ALG14: variants seen among roughly 807,000 people sequenced by gnomAD.
ALG14 encodes the protein UDP-N-acetylglucosamine transferase subunit ALG14.
Under a neutral mutation model 22.8 loss-of-function variants are expected in ALG14, and 17 were observed. That is an observed-to-expected ratio of 0.75 (90% confidence interval 0.51 to 1.12). ALG14 has a LOEUF of 1.12. Ranked by LOEUF, ALG14 falls within the 50% of genes most tolerant of loss-of-function variation. The pLI, the probability that ALG14 is intolerant of heterozygous loss-of-function variation, is 0.00. For missense variants in ALG14, 288 were observed against 271.8 expected, an observed-to-expected ratio of 1.06 and a Z score of -0.42; for synonymous variants, 89 against 103.7, an observed-to-expected ratio of 0.86 and a Z score of 0.86.
chr1:94,993,917 C>T (rs527612755), intron 3 of ALG14, among the ~76,000 whole-genome samples: 18 of 152,292 alleles, frequency 1.2e-4, no homozygotes, highest in African/African-American at 4.1e-4. Context: ...CTGCACGTTC[C>T]ATGCATGTTC....
At chr1:95,065,064 C>T (rs764375049) in intron 1 of ALG14, 47 bp from the exon 2 acceptor site, 3 of 1,543,732 alleles carry the variant, frequency 1.9e-6, no homozygotes, top group South Asian at 2.4e-5. Context: ...CCACAATGGA[C>T]ATATCCATTT....
At chr1:95,014,998 A>T (rs1398948107) in intron 3 of ALG14, among the ~76,000 whole-genome samples, 2 of 152,192 alleles carry the variant, frequency 1.3e-5, no homozygotes, top group Non-Finnish European at 2.9e-5. Context: ...ATACAGTTTT[A>T]AACTTGCCAC....
At chr1:94,988,962 T>G (rs1244116105) in intron 3 of ALG14, among the ~76,000 whole-genome samples, 2 of 152,244 alleles carry the variant, frequency 1.3e-5, no homozygotes, top group Non-Finnish European at 2.9e-5. Flanking sequence ...TGTTCATATA[T>G]GCATATTTGC....
chr1:95,008,559 G>GA (rs1023729003), intron 3 of ALG14, among the ~76,000 whole-genome samples: 35 of 152,024 alleles, frequency 2.3e-4, no homozygotes, highest in Admixed American at 1.8e-3. Flanking sequence ...AGGTTTTTCA[G>GA]AAAAAATGTA....
intron 3 of ALG14, among the ~76,000 whole-genome samples, chr1:95,026,502 GTA>G (rs1553228107): frequency 2.8e-3 from 405 of 146,288 alleles, no homozygotes; most frequent in African/African-American, 8.3e-3. Flanking sequence ...GTGTGTGTGT[GTA>G]TGTGTGTGTG....
At position 94,979,310 on chromosome 1, in the gene ALG14, A is replaced by AAAAAAAAAAG. The variant is rs1553222994; in HGVS notation, c.*3765_*3766insCTTTTTTTTT. 13 of 89,856 alleles carry AAAAAAAAAAG rather than the reference A, an allele frequency of 1.4e-4. No individual in the cohort carries two copies. Among genetic ancestry groups the AAAAAAAAAAG allele is most frequent in the African/African-American group, 6.4e-4 (12 of 18,770 alleles). The allele number at this position is 89,856 out of a possible 1,614,324, so 5.6% of individuals were successfully genotyped here. A position where few individuals can be genotyped will look rare whatever the true frequency, so the allele number is the denominator to read the frequency against. On this transcript the variant is annotated 3_prime_UTR_variant, in exon 4 of 4. Transcript: ENST00000370205. Reference sequence around the variant, plus strand: ...GTCTCGAAAAAAAAAAAAAAAAAAAAAAAAGAAAGAAAAAAGTGAAACAAG... The same window carrying AAAAAAAAAAG: ...GTCTCGAAAAAAAAAAAAAAAAAAAAAAAAAAAAAGAAAAGAAAGAAAAAAGTGAAACAAG...
At chr1:95,043,699 A>T (rs1196934992) in intron 2 of ALG14, among the ~76,000 whole-genome samples, 1 of 151,934 alleles carries the variant, frequency 6.6e-6, no homozygotes, top group Non-Finnish European at 1.5e-5. Context: ...AGCTTCAAGG[A>T]CCTTTTAGGG....
At chr1:95,022,371 G>C in intron 3 of ALG14, 4 of 985,368 alleles carry the variant, frequency 4.1e-6, no homozygotes, top group Non-Finnish European at 4.8e-6. Context: ...CATGCAACTG[G>C]GAAAAGCAGT....
intron 2 of ALG14, among the ~76,000 whole-genome samples, chr1:95,040,141 C>T (rs1349107904): frequency 2.6e-5 from 4 of 151,620 alleles, no homozygotes; most frequent in Admixed American, 6.6e-5. Flanking sequence ...CACTGCACTC[C>T]AGCCTGGGTG....
At chr1:95,041,825 T>C (rs146146486) in intron 2 of ALG14, among the ~76,000 whole-genome samples, 1 of 152,198 alleles carries the variant, frequency 6.6e-6, no homozygotes, top group East Asian at 1.9e-4. Context: ...TTAGAAGAGC[T>C]GGTTGATAAA....
chr1:94,998,804 G>A (rs943081220), intron 3 of ALG14, among the ~76,000 whole-genome samples: 3 of 152,136 alleles, frequency 2.0e-5, no homozygotes, highest in South Asian at 4.1e-4. Flanking sequence ...GATTAAATAC[G>A]TATAAGGTAT....
chr1:95,036,058 A>G (rs1365730013), intron 2 of ALG14, among the ~76,000 whole-genome samples: 1 of 152,126 alleles, frequency 6.6e-6, no homozygotes, highest in South Asian at 2.1e-4. Flanking sequence ...TTTTTTTTAT[A>G]TGTCCTTCAA....
chr1:94,984,979 A>G (rs1180480234), intron 3 of ALG14, among the ~76,000 whole-genome samples: 2 of 151,922 alleles, frequency 1.3e-5, no homozygotes, highest in African/African-American at 2.4e-5. Context: ...GTATCATTCC[A>G]ATTTTAGTAT....
At chr1:95,013,373 G>A (rs958691726) in intron 3 of ALG14, among the ~76,000 whole-genome samples, 17 of 151,206 alleles carry the variant, frequency 1.1e-4, no homozygotes, top group African/African-American at 4.1e-4. Flanking sequence ...GTCTTGCTCC[G>A]TCGCCCAGGC....
At chr1:94,990,131 A>G (rs1383397493) in intron 3 of ALG14, among the ~76,000 whole-genome samples, 2 of 152,156 alleles carry the variant, frequency 1.3e-5, no homozygotes, top group African/African-American at 2.4e-5. Flanking sequence ...AACTAGAAAG[A>G]GAAGAATCTG....
rs551984591 is a variant in ALG14 at position 94,983,600 on chromosome 1, G to T, written c.421-294C>A. 5.1e-5 allele frequency: 18 copies of T among 352,182 alleles called. No individual in the cohort carries two copies. In the South Asian group the frequency reaches 7.3e-4, roughly 14 times the overall value. 21.8% of individuals were successfully genotyped at this position (352,182 alleles called of 1,614,324 possible). ...TGCTCAGTCAGCACTCATCGGACAG[G>T]CATGTGTTGCTCTTCTCTGACTGCT... On this transcript the variant is annotated intron_variant, in intron 3 of 3. Transcript: ENST00000370205.
intron 3 of ALG14, among the ~76,000 whole-genome samples, chr1:95,021,245 C>G (rs1439175543): frequency 6.6e-6 from 1 of 152,200 alleles, no homozygotes; most frequent in East Asian, 1.9e-4. Context: ...CCCAGATTTA[C>G]TCTTTCAAAA....
intron 3 of ALG14, among the ~76,000 whole-genome samples, chr1:95,003,963 C>A (rs1427351574): frequency 6.6e-6 from 1 of 152,138 alleles, no homozygotes; most frequent in East Asian, 1.9e-4. Context: ...AGTATCTTTT[C>A]TATTATGCTT....
At chr1:95,010,836 G>GA (rs1182704058) in intron 3 of ALG14, among the ~76,000 whole-genome samples, 10 of 151,560 alleles carry the variant, frequency 6.6e-5, no homozygotes, top group African/African-American at 2.4e-4. Context: ...ACTAGAAGAG[G>GA]AAAAAAAAGC....
Sources: allele counts gnomAD v4.1 joint callset (sites outside exome capture counted in the v4.1 genomes callset), GRCh38; gene constraint gnomAD v4.1.1; transcripts MANE v1.5; gene names NCBI Gene and HGNC (gene_info 2026-07-23, HGNC 2026-07-21).